C1orf185: variants seen among roughly 807,000 people sequenced by gnomAD.
C1orf185 encodes uncharacterized protein C1orf185.
C1orf185 carries 13 observed loss-of-function variants against 16.1 expected under a neutral mutation model. That is an observed-to-expected ratio of 0.81 (90% CI 0.53 to 1.28). The LOEUF (loss-of-function observed/expected upper bound fraction) is 1.28, where lower values mean the gene tolerates loss of function less well. Ranked by LOEUF, C1orf185 falls within the 50% of genes most tolerant of loss-of-function variation. C1orf185 has a pLI of 0.00. For missense variants in C1orf185, 220 were observed against 225.2 expected, an observed-to-expected ratio of 0.98 and a Z score of 0.15; for synonymous variants, 80 against 76.9, an observed-to-expected ratio of 1.04 and a Z score of -0.21.
At chr1:51,145,664 G>A in intron 3 of C1orf185, 60 bp from the exon 4 acceptor site, 1 of 939,186 alleles carries the variant, frequency 1.1e-6, no homozygotes, top group Non-Finnish European at 1.5e-6. Flanking sequence ...TAAAATATAT[G>A]AAAGAAGTTA....
At chr1:51,129,146 A>G (rs1358053981) in intron 3 of C1orf185, among the ~76,000 whole-genome samples, 2 of 152,212 alleles carry the variant, frequency 1.3e-5, no homozygotes, top group East Asian at 1.9e-4. Context: ...CGGCCTCCCA[A>G]AGTGCTGGGA....
chr1:51,126,987 T>C (rs565676298), intron 3 of C1orf185, among the ~76,000 whole-genome samples: 29 of 152,310 alleles, frequency 1.9e-4, no homozygotes, highest in African/African-American at 7.0e-4. Context: ...TTGTTTATTT[T>C]TTTTTTCATT....
chr1:51,133,220 GAATGCAACTGGGCTA>G (rs1278512110), intron 3 of C1orf185, among the ~76,000 whole-genome samples: 1 of 152,098 alleles, frequency 6.6e-6, no homozygotes, highest in African/African-American at 2.4e-5. Context: ...TATTAACCTT[GAATGCAACTGGGCTA>G]AATGCCTTAA....
At chr1:51,127,057 T>A (rs1023001440) in intron 3 of C1orf185, among the ~76,000 whole-genome samples, 3 of 152,210 alleles carry the variant, frequency 2.0e-5, no homozygotes, top group Non-Finnish European at 2.9e-5. Context: ...ATTAATGTGA[T>A]TTAAAAAATA....
intron 3 of C1orf185, among the ~76,000 whole-genome samples, chr1:51,135,021 CA>C (rs1646312968): frequency 6.6e-6 from 1 of 152,108 alleles, no homozygotes; most frequent in Non-Finnish European, 1.5e-5. Flanking sequence ...ATCCTGATAC[CA>C]AAACCTGGCA....
Position 51,112,458 on chromosome 1 carries a change from G to C in C1orf185, c.17-6G>C. The C allele has an allele frequency of 3.3e-6, 5 of 1,528,712 alleles. No homozygotes were observed. Among genetic ancestry groups the C allele is most frequent in the Non-Finnish European group, 4.4e-6 (5 of 1,136,168 alleles). The allele number at this position is 1,528,712 out of a possible 1,614,324, so 94.7% of individuals were successfully genotyped here. A position where few individuals can be genotyped will look rare whatever the true frequency, so the allele number is the denominator to read the frequency against. On this transcript the variant is annotated splice_polypyrimidine_tract_variant and splice_region_variant and intron_variant, in intron 1 of 4. Coordinates refer to ENST00000371759, the MANE Select transcript of C1orf185 (RefSeq NM_001136508.2). ...TGAAATAATCTTTTGTAATTTGTTT[G>C]TATAGGTTTTTTTAATTACTTGACC...
chr1:51,127,256 C>T (rs1408912551), intron 3 of C1orf185, among the ~76,000 whole-genome samples: 2 of 152,086 alleles, frequency 1.3e-5, no homozygotes, highest in Non-Finnish European at 2.9e-5. Flanking sequence ...AATTCCTCTA[C>T]CCATCCCAGG....
At chr1:51,122,331 T>C (rs1646203547) in intron 3 of C1orf185, among the ~76,000 whole-genome samples, 1 of 152,204 alleles carries the variant, frequency 6.6e-6, no homozygotes, top group East Asian at 1.9e-4. Flanking sequence ...CCCCAACATA[T>C]ATATAAGTGC....
intron 3 of C1orf185, among the ~76,000 whole-genome samples, chr1:51,132,749 C>G (rs1165424723): frequency 2.0e-5 from 3 of 151,988 alleles, no homozygotes; most frequent in Non-Finnish European, 4.4e-5. Context: ...CCCCGAGACA[C>G]ACATAATCAT....
downstream of C1orf185, among the ~76,000 whole-genome samples, chr1:51,150,195 CTTT>C (rs758936836): frequency 2.8e-5 from 4 of 142,222 alleles, no homozygotes; most frequent in Admixed American, 7.1e-5. Flanking sequence ...GAATGTCTTT[CTTT>C]TTTTTTTTTT....
chr1:51,144,276 C>T lies in C1orf185; in HGVS notation c.259-1448C>T, dbSNP rs571460783. 1.3e-4 allele frequency among the ~76,000 whole-genome samples: 20 copies of T among 152,310 alleles called. No individual in the cohort carries two copies. The East Asian group carries it at 3.7e-3, about 28-fold the overall frequency. On this transcript the variant is annotated intron_variant, in intron 3 of 4. Transcript: ENST00000371759. ...TTAACAAGCTCCCAGGGTAATCTGT[C>T]AGCACATCAAAGTCTGAGAAGCAAT... is the stretch of plus-strand genomic sequence containing the variant.
intron 3 of C1orf185, among the ~76,000 whole-genome samples, chr1:51,143,811 C>T (rs934179502): frequency 1.3e-5 from 2 of 152,142 alleles, no homozygotes; most frequent in South Asian, 2.1e-4. Context: ...TACAGGCATG[C>T]GCCATCATGC....
chr1:51,150,915 C>T (rs1646427087), downstream of C1orf185, among the ~76,000 whole-genome samples: 2 of 152,120 alleles, frequency 1.3e-5, no homozygotes, highest in South Asian at 2.1e-4. Context: ...TTCAAATGGA[C>T]GGTAATGCAT....
intron 3 of C1orf185, among the ~76,000 whole-genome samples, chr1:51,127,919 G>T (rs1273023429): frequency 1.6e-5 from 2 of 125,278 alleles, no homozygotes; most frequent in Non-Finnish European, 3.2e-5. Context: ...ATAGAGTCTC[G>T]CTCTGTCACC....
intron 1 of C1orf185, 65 bp downstream of exon 1, chr1:51,102,314 C>T (rs895892902): frequency 9.1e-5 from 64 of 700,428 alleles, no homozygotes; most frequent in Admixed American, 6.0e-4. Flanking sequence ...TATATTTAGA[C>T]GAACAACCAG....
intron 3 of C1orf185, among the ~76,000 whole-genome samples, chr1:51,142,556 GA>G (rs1380287501): frequency 6.6e-6 from 1 of 152,122 alleles, no homozygotes; most frequent in South Asian, 2.1e-4. Context: ...TTTTAGCTAT[GA>G]ATTCAATTTC....
intron 3 of C1orf185, among the ~76,000 whole-genome samples, chr1:51,135,730 C>T (rs1646319260): frequency 6.6e-6 from 1 of 152,122 alleles, no homozygotes; most frequent in Non-Finnish European, 1.5e-5. Context: ...GGAAGCATTG[C>T]CCTTGAAAAC....
chr1:51,122,128 AT>A (rs1646202232), intron 3 of C1orf185, among the ~76,000 whole-genome samples: 1 of 152,120 alleles, frequency 6.6e-6, no homozygotes, highest in African/African-American at 2.4e-5. Context: ...GTTATCTGGT[AT>A]TCCATTGTGT....
chr1:51,145,161 C>T (rs1036205075), intron 3 of C1orf185, among the ~76,000 whole-genome samples: 35 of 151,986 alleles, frequency 2.3e-4, no homozygotes, highest in African/African-American at 8.0e-4. Flanking sequence ...TATTCCCAAG[C>T]CAGGTATGGT....
Sources: allele counts gnomAD v4.1 joint callset (sites outside exome capture counted in the v4.1 genomes callset), GRCh38; gene constraint gnomAD v4.1.1; transcripts MANE v1.5; gene names NCBI Gene and HGNC (gene_info 2026-07-23, HGNC 2026-07-21).